Variants in PHF20 observed in about 807,000 individuals in gnomAD.
PHF20 encodes the protein PHD finger protein 20, also known as glioma-expressed antigen 2.
PHF20 carries 23 observed loss-of-function variants against 113.5 expected under a neutral mutation model. The observed-to-expected ratio is 0.20, with a 90% CI of 0.15 to 0.29. PHF20 has a LOEUF of 0.29. Among genes scored for constraint, PHF20 ranks in the 10% least tolerant of loss-of-function variants. The probability of loss-of-function intolerance (pLI) is 1.00; values close to 1 mark genes in which losing one functional copy is unlikely to be tolerated. For synonymous variants in PHF20, 434 were observed against 457.3 expected, an observed-to-expected ratio of 0.95 and a Z score of 0.65; for missense variants, 943 against 1,219.6, an observed-to-expected ratio of 0.77 and a Z score of 3.38.
chr20:35,941,122 C>G, intron 17 of PHF20, 75 bp downstream of exon 17: 1 of 1,269,086 alleles, frequency 7.9e-7, no homozygotes. Flanking sequence ...TTCTGAACCC[C>G]CCAGTCTGAG....
chr20:35,908,832 T>C (rs1248900308), intron 10 of PHF20, among the ~76,000 whole-genome samples: 4 of 152,214 alleles, frequency 2.6e-5, no homozygotes, highest in African/African-American at 7.2e-5. Flanking sequence ...CAAATTCCAG[T>C]TATTCATTGC....
intron 15 of PHF20, 56 bp from the exon 16 acceptor site, chr20:35,938,641 C>A (rs1178037079): frequency 3.3e-6 from 5 of 1,507,306 alleles, no homozygotes; most frequent in African/African-American, 1.4e-5. Context: ...GAATTGAGAA[C>A]CCCTGCAATG....
chr20:35,857,006 G>GTCTT (rs1055649823), intron 4 of PHF20, among the ~76,000 whole-genome samples: 1 of 152,160 alleles, frequency 6.6e-6, no homozygotes, highest in Non-Finnish European at 1.5e-5. Flanking sequence ...AGGGGTGTGG[G>GTCTT]AAGAGAATGT....
chr20:35,863,277 A>C lies in PHF20; in HGVS notation c.685A>C (p.Arg229=), dbSNP rs2054251908. 2 of 1,614,200 alleles carry C rather than the reference A, an allele frequency of 1.2e-6. No individual in the cohort carries two copies. Among genetic ancestry groups the C allele is most frequent in the Non-Finnish European group, 1.7e-6 (2 of 1,180,006 alleles). ...EDKENISEND[R]EYSGDAQVDK... is the part of the protein sequence containing the mutation. The stretch of plus-strand genomic sequence containing the variant: ...CAAGGAAAACATTTCCGAAAATGAC[A>C]GAGAGTATTCTGGAGATGCCCAAGT... Residue 229 remains arginine (R), a synonymous_variant, in exon 6 of 18, where the codon AGA becomes CGA. Transcript: ENST00000374012.
intron 15 of PHF20, among the ~76,000 whole-genome samples, chr20:35,931,712 G>A (rs1015892535): frequency 5.9e-5 from 9 of 152,074 alleles, no homozygotes; most frequent in Non-Finnish European, 8.8e-5. Flanking sequence ...CAGCACTTTG[G>A]GAGGCCGAGG....
rs867618403 is a variant in PHF20, at chr20:35,895,626, A to G, written c.1283-3744A>G. Among the ~76,000 whole-genome samples, 3 of 150,624 alleles carry G rather than the reference A, an allele frequency of 2.0e-5. No homozygotes were observed. The South Asian group carries it at 6.3e-4, about 32-fold the overall frequency. The stretch of plus-strand genomic sequence containing the variant: ...TCCACTGACATACTTTTCCTGTCCA[A>G]TTATTTGTCTGAGAAGTGTGTATTC... On this transcript the variant is annotated intron_variant, in intron 9 of 17. Transcript: ENST00000374012.
At chr20:35,886,132 G>A (rs2054726564) in intron 9 of PHF20, among the ~76,000 whole-genome samples, 1 of 147,124 alleles carries the variant, frequency 6.8e-6, no homozygotes, top group African/African-American at 2.6e-5. Context: ...GATTATGTCA[G>A]TAAATACTTT....
intron 17 of PHF20, among the ~76,000 whole-genome samples, chr20:35,946,484 G>T (rs1256741556): frequency 2.0e-5 from 3 of 151,758 alleles, no homozygotes; most frequent in Admixed American, 6.6e-5. Context: ...TAATAACAGA[G>T]TATTCTGTGC....
chr20:35,784,433 C>CTTTTTTT (rs35002007), intron 1 of PHF20, among the ~76,000 whole-genome samples: 1 of 110,508 alleles, frequency 9.0e-6, no homozygotes, highest in South Asian at 3.1e-4. Context: ...ATCCCAAAGA[C>CTTTTTTT]TTTTTTTTTT....
intron 2 of PHF20, among the ~76,000 whole-genome samples, chr20:35,805,181 G>A (rs1348365469): frequency 6.6e-6 from 1 of 151,742 alleles, no homozygotes; most frequent in East Asian, 1.9e-4. Context: ...GGGACCACAG[G>A]CCAGATCCAT....
At chr20:35,816,695 G>A (rs1027280692) in intron 2 of PHF20, among the ~76,000 whole-genome samples, 2 of 150,830 alleles carry the variant, frequency 1.3e-5, no homozygotes, top group African/African-American at 4.9e-5. Flanking sequence ...CTTATGATTC[G>A]CCCGCCTCAG....
chr20:35,820,860 C>A (rs867000472), intron 2 of PHF20, among the ~76,000 whole-genome samples: 10 of 151,782 alleles, frequency 6.6e-5, no homozygotes, highest in Non-Finnish European at 8.8e-5. Context: ...AAATAGAGTC[C>A]TAAAGTAAGT....
intron 2 of PHF20, among the ~76,000 whole-genome samples, chr20:35,836,159 C>T (rs2146927913): frequency 6.6e-6 from 1 of 152,052 alleles, no homozygotes; most frequent in East Asian, 1.9e-4. Flanking sequence ...CAGGCACACA[C>T]CACTACTCAT....
chr20:35,803,826 T>C (rs889108894), intron 2 of PHF20, among the ~76,000 whole-genome samples: 1 of 151,646 alleles, frequency 6.6e-6, no homozygotes, highest in East Asian at 1.9e-4. Context: ...TCAATATGTT[T>C]TTGTGATTTA....
At chr20:35,844,245 G>C (rs928763892) in intron 3 of PHF20, among the ~76,000 whole-genome samples, 2 of 151,722 alleles carry the variant, frequency 1.3e-5, no homozygotes, top group African/African-American at 4.9e-5. Context: ...TGGGACTACA[G>C]GTGCGTGCCA....
chr20:35,842,449 G>C (rs1211465894), intron 2 of PHF20, 124 bp from the exon 3 acceptor site: 5 of 794,270 alleles, frequency 6.3e-6, no homozygotes, highest in Admixed American at 2.5e-5. Context: ...ACTACACAGA[G>C]TCTCTAAACG....
At chr20:35,934,845 G>A (rs1426611316) in intron 15 of PHF20, among the ~76,000 whole-genome samples, 3 of 152,176 alleles carry the variant, frequency 2.0e-5, no homozygotes, top group Non-Finnish European at 4.4e-5. Context: ...TAGGATGTCA[G>A]AGACTAGCTA....
intron 15 of PHF20, among the ~76,000 whole-genome samples, chr20:35,933,939 T>G (rs2055814890): frequency 6.6e-6 from 1 of 152,214 alleles, no homozygotes; most frequent in Non-Finnish European, 1.5e-5. Context: ...TGGACTAGAA[T>G]CCAAATCCTG....
intron 2 of PHF20, among the ~76,000 whole-genome samples, chr20:35,818,274 C>CA (rs1475351430): frequency 6.6e-6 from 1 of 151,622 alleles, no homozygotes; most frequent in Admixed American, 6.6e-5. Flanking sequence ...GACTCCGTCT[C>CA]AAAAAACAAA....
Sources: allele counts gnomAD v4.1 joint callset (sites outside exome capture counted in the v4.1 genomes callset), GRCh38; gene constraint gnomAD v4.1.1; transcripts MANE v1.5; gene names NCBI Gene and HGNC (gene_info 2026-07-23, HGNC 2026-07-21).